The following ABHD2 variants were observed in gnomAD, a reference collection of about 807,000 sequenced individuals.
ABHD2 encodes the protein monoacylglycerol lipase ABHD2.
In ABHD2, 20 loss-of-function variants were observed where a neutral mutation model predicts 48.1. That is an observed-to-expected ratio of 0.42 (90% CI 0.29 to 0.60). The LOEUF is 0.60. Among genes scored for constraint, ABHD2 ranks in the 20% least tolerant of loss-of-function variants. The pLI is 0.24. For missense variants in ABHD2, 405 were observed against 550.9 expected (o/e 0.74, Z 2.65); for synonymous variants, 209 against 214.2 (o/e 0.98, Z 0.21).
Position 89,201,296 on chromosome 15 carries a change from A to T in ABHD2, c.*5873A>T. On this transcript the variant is annotated 3_prime_UTR_variant, in exon 11 of 11. Transcript: ENST00000352732. The stretch of plus-strand genomic sequence containing the variant: ...CTGAAGTCTTTTACACTCTTCTGTT[A>T]GTTTCCTTGTTTCAGTATCATGAAG... 1.8e-6 allele frequency: 2 copies of T among 1,142,198 alleles called. No homozygotes were observed. The highest frequency in any genetic ancestry group is 2.6e-5 in the South Asian group (2 of 77,026). The allele number at this position is 1,142,198 out of a possible 1,614,324, so 70.8% of individuals were successfully genotyped here. A position where few individuals can be genotyped will look rare whatever the true frequency, so the allele number is the denominator to read the frequency against.
At chr15:89,134,554 C>T (rs765209836) in intron 3 of ABHD2, among the ~76,000 whole-genome samples, 3 of 152,126 alleles carry the variant, frequency 2.0e-5, no homozygotes, top group Non-Finnish European at 2.9e-5. Flanking sequence ...GGCAGTGGGG[C>T]GATGCTCATA....
chr15:89,053,889 G>T, the ABHD2 span, among the ~76,000 whole-genome samples: 2 of 152,144 alleles, frequency 1.3e-5, no homozygotes, highest in Non-Finnish European at 2.9e-5. Context: ...CAGCCTCCCG[G>T]ACGCCTCACC....
At chr15:89,064,517 C>T in the ABHD2 span, among the ~76,000 whole-genome samples, 5 of 152,096 alleles carry the variant, frequency 3.3e-5, no homozygotes, top group Admixed American at 6.5e-5. Flanking sequence ...AGTGAGCTAT[C>T]GCGCCCGGCC....
At position 89,186,249 on chromosome 15, in the gene ABHD2, T is replaced by A. The variant is rs1034793446; in HGVS notation, c.815+733T>A. Among the ~76,000 whole-genome samples the A allele has an allele frequency of 2.0e-5, 3 of 152,208 alleles. No individual in the cohort carries two copies. Among genetic ancestry groups the A allele is most frequent in the Non-Finnish European group, 4.4e-5 (3 of 68,036 alleles). On this transcript the variant is annotated intron_variant, in intron 7 of 10. Transcript: ENST00000352732. This position sits in a 1 kb window ranked among gnomAD's most constrained non-coding sequence, Gnocchi z 4.3. ...TTTCGGCGCCTCCCTGCTCGGAGTTTGAGCCTCTCCTTATTCTTCATGCTT... is the reference window on the plus strand; with the variant it reads ...TTTCGGCGCCTCCCTGCTCGGAGTTAGAGCCTCTCCTTATTCTTCATGCTT...
At position 89,093,162 on chromosome 15, in the gene ABHD2, CT is replaced by C. The variant is rs533997460; in HGVS notation, c.-107+4605del. Among the ~76,000 whole-genome samples the C allele has an allele frequency of 6.0e-4, 85 of 142,070 alleles. No homozygotes were observed. The East Asian group carries it at 0.017, about 28-fold the overall frequency. 93.2% of individuals were successfully genotyped at this position (142,070 alleles called of 152,430 possible). ...CCTCCCCAAGTCACATTTCCAGCAT[CT>C]TTTTTCATTCTTTTTTTTTTTTTTT... On this transcript the variant is annotated intron_variant, in intron 1 of 10. Transcript: ENST00000352732.
Position 89,173,109 on chromosome 15 carries a change from T to C in ABHD2, c.539-2703T>C, listed in dbSNP as rs1009621400. Among the ~76,000 whole-genome samples the C allele has an allele frequency of 6.6e-6, 1 of 152,248 alleles. No individual in the cohort carries two copies. The highest frequency in any genetic ancestry group is 1.5e-5 in the Non-Finnish European group (1 of 68,034). On this transcript the variant is annotated intron_variant, in intron 5 of 10. Coordinates refer to ENST00000352732, the MANE Select transcript of ABHD2 (RefSeq NM_152924.5). The surrounding 1 kb of genome is among the most constrained non-coding windows in gnomAD (Gnocchi z 6.5). ...CAAGGGAGGTGAACAAATGTCTCCT[T>C]TGGGATTTCTAAATTTTTTATTTGT...
upstream of ABHD2, chr15:89,087,398 A>G (rs1446834376): frequency 1.3e-5 from 2 of 152,198 alleles, no homozygotes; most frequent in Non-Finnish European, 1.5e-5. The surrounding 1 kb of genome is among the most constrained non-coding windows in gnomAD (Gnocchi z 5.5). Flanking sequence ...TGTCTGCCCT[A>G]CAGGGGTTGC....
chr15:89,091,570 A>G lies in ABHD2; in HGVS notation c.-107+3007A>G, dbSNP rs868790757. ...CTCCGGCAGGACCCATAACCTCTGT[A>G]GTGGTTCTCACTGCCCTTGTTCAGA... On this transcript the variant is annotated intron_variant, in intron 1 of 10. Coordinates refer to ENST00000352732, the MANE Select transcript of ABHD2 (RefSeq NM_152924.5). This position sits in a 1 kb window ranked among gnomAD's most constrained non-coding sequence, Gnocchi z 5.5. 2.6e-5 allele frequency among the ~76,000 whole-genome samples: 4 copies of G among 152,206 alleles called. No individual in the cohort carries two copies. The highest frequency in any genetic ancestry group is 6.5e-5 in the Admixed American group (1 of 15,292).
At position 89,189,825 on chromosome 15, in the gene ABHD2, T is replaced by A. The variant is rs562617060; in HGVS notation, c.927-1255T>A. The stretch of plus-strand genomic sequence containing the variant: ...TTAAATTTCCCATTCATCTCCTAAA[T>A]TTTTTAAGCCCAGAAGAGAATGTTT... On this transcript the variant is annotated intron_variant, in intron 8 of 10. Coordinates refer to ENST00000352732, the MANE Select transcript of ABHD2 (RefSeq NM_152924.5). This position sits in a 1 kb window ranked among gnomAD's most constrained non-coding sequence, Gnocchi z 4.9. Among the ~76,000 whole-genome samples the A allele has an allele frequency of 2.1e-3, 323 of 152,324 alleles. 1 individual carries two copies. The highest frequency in any genetic ancestry group is 7.4e-3 in the African/African-American group (309 of 41,566).
chr15:89,114,029 A>G lies in ABHD2; in HGVS notation c.-7+205A>G, dbSNP rs956264288. The stretch of plus-strand genomic sequence containing the variant: ...GGAAGAACTTCTAGTTCAGTTCTGT[A>G]TTACCAGCATATAGTCAGAGAATTT... On this transcript the variant is annotated intron_variant, in intron 2 of 10. Coordinates refer to ENST00000352732, the MANE Select transcript of ABHD2 (RefSeq NM_152924.5). This position sits in a 1 kb window ranked among gnomAD's most constrained non-coding sequence, Gnocchi z 4.2. Among the ~76,000 whole-genome samples the G allele has an allele frequency of 3.3e-5, 5 of 152,326 alleles. No individual in the cohort carries two copies. Among genetic ancestry groups the G allele is most frequent in the East Asian group, 1.9e-4 (1 of 5,190 alleles).
Position 89,135,691 on chromosome 15 carries a change from A to G in ABHD2, c.195-15986A>G, listed in dbSNP as rs2050298105. ...CAGGCTTTCCTTTAGCCCGATATGC[A>G]GCAATATCCTTTTCTTACTTTTCCT... On this transcript the variant is annotated intron_variant, in intron 3 of 10. Transcript: ENST00000352732. The G allele has an allele frequency of 4.7e-6, 7 of 1,474,620 alleles. No homozygotes were observed. In the South Asian group the frequency reaches 5.7e-5, roughly 12 times the overall value. The allele number at this position is 1,474,620 out of a possible 1,614,324, so 91.3% of individuals were successfully genotyped here.
the ABHD2 span, among the ~76,000 whole-genome samples, chr15:89,049,148 G>A: frequency 2.0e-5 from 3 of 152,094 alleles, no homozygotes; most frequent in Admixed American, 1.3e-4. Flanking sequence ...CCGGCCGGCC[G>A]TGTGAGGTGT....
the ABHD2 span, among the ~76,000 whole-genome samples, chr15:89,054,070 C>G: frequency 4.6e-5 from 7 of 152,036 alleles, no homozygotes; most frequent in African/African-American, 1.7e-4. Context: ...TCCTGTAATC[C>G]CAGCACTTTG....
At position 89,155,822 on chromosome 15, in the gene ABHD2, G is replaced by C. The variant is rs1360632997; in HGVS notation, c.538+288G>C. 6.6e-6 allele frequency among the ~76,000 whole-genome samples: 1 copy of C among 152,146 alleles called. No homozygotes were observed. On this transcript the variant is annotated intron_variant, in intron 5 of 10. Transcript: ENST00000352732. This position sits in a 1 kb window ranked among gnomAD's most constrained non-coding sequence, Gnocchi z 4.9. The stretch of plus-strand genomic sequence containing the variant: ...CTAGTAAGAGTCACAGCAGGGCTGG[G>C]AGCCAGGTAGATCGGGTAGCAGAGC...
rs753958841 is a variant in ABHD2, at chr15:89,151,860, G to T, written c.370+8G>T. 1.7e-5 allele frequency: 27 copies of T among 1,612,596 alleles called. No individual in the cohort carries two copies. The highest frequency in any genetic ancestry group is 5.0e-5 in the Admixed American group (3 of 59,916). On this transcript the variant is annotated splice_region_variant and intron_variant, in intron 4 of 10. Coordinates refer to ENST00000352732, the MANE Select transcript of ABHD2 (RefSeq NM_152924.5). The surrounding 1 kb of genome is among the most constrained non-coding windows in gnomAD (Gnocchi z 4.7). The stretch of plus-strand genomic sequence containing the variant: ...CTGAGCACTGTGTTGGAGGTGAGCT[G>T]CTTTAGATTGTGTGATTGAGCCATC...
rs1567111991 is a variant in ABHD2, at chr15:89,188,417, GT to G, written c.926+121del. On this transcript the variant is annotated intron_variant, in intron 8 of 10. Transcript: ENST00000352732. This position sits in a 1 kb window ranked among gnomAD's most constrained non-coding sequence, Gnocchi z 4.1. ...CTCTGCCTACTTGAGTGTTAAGGGT[GT>G]TTTTTTCCCTTTAAGTAAGTGTCTA... is the stretch of plus-strand genomic sequence containing the variant. 7 of 821,218 alleles carry G rather than the reference GT, an allele frequency of 8.5e-6. No individual in the cohort carries two copies. Among genetic ancestry groups the G allele is most frequent in the South Asian group, 3.6e-5 (2 of 56,012 alleles). The allele number at this position is 821,218 out of a possible 1,614,324, so 50.9% of individuals were successfully genotyped here.
At chr15:89,069,684 T>TC in the ABHD2 span, among the ~76,000 whole-genome samples, 1 of 118,952 alleles carries the variant, frequency 8.4e-6, no homozygotes, top group Non-Finnish European at 1.8e-5. Flanking sequence ...CTTTTTTTTT[T>TC]TTTTTTTTTT....
intron 1 of ABHD2, among the ~76,000 whole-genome samples, chr15:89,113,324 G>A (rs1327463336): frequency 1.3e-5 from 2 of 152,218 alleles, no homozygotes. Flanking sequence ...GTTTGGAAGA[G>A]AACAAATAAG....
chr15:89,118,129 T>C (rs528750872), intron 3 of ABHD2, among the ~76,000 whole-genome samples: 45 of 152,300 alleles, frequency 3.0e-4, no homozygotes, highest in African/African-American at 1.1e-3. Context: ...GTGCACGGTA[T>C]ATGTTTTGAA....
Sources: gnomAD v4.1 joint callset for allele counts (sites outside exome capture counted in the v4.1 genomes callset) on GRCh38, gnomAD v4.1.1 for gene constraint, Gnocchi (gnomAD v3.1) non-coding constraint, MANE v1.5 for transcripts, NCBI Gene and HGNC (gene_info 2026-07-23, HGNC 2026-07-21) for gene names.